Variants in ADK observed in about 807,000 individuals in gnomAD.
ADK encodes the protein N6,N6-dimethyladenosine kinase.
In ADK, 24 loss-of-function variants were observed where a neutral mutation model predicts 44.7. The observed-to-expected ratio is 0.54, with a 90% confidence interval of 0.39 to 0.76. The LOEUF (loss-of-function observed/expected upper bound fraction) is 0.76, where lower values mean the gene tolerates loss of function less well. Among genes scored for constraint, ADK ranks in the 30% least tolerant of loss-of-function variants. ADK has a pLI of 0.00. For synonymous variants in ADK, 128 were observed against 142.6 expected (o/e 0.90, Z 0.73); for missense variants, 321 against 425.1 (o/e 0.76, Z 2.15).
chr10:74,231,782 A>G (rs1263168655), intron 3 of ADK, among the ~76,000 whole-genome samples: 3 of 151,872 alleles, frequency 2.0e-5, no homozygotes, highest in Admixed American at 6.6e-5. Flanking sequence ...AGTTTTTTTT[A>G]AAGTTTATTT....
intron 8 of ADK, among the ~76,000 whole-genome samples, chr10:74,598,794 C>CT (rs1852018901): frequency 6.6e-6 from 1 of 152,030 alleles, no homozygotes; most frequent in African/African-American, 2.4e-5. Flanking sequence ...TGAAGAAAGA[C>CT]TTTCTTTTAA....
At chr10:74,581,537 G>A (rs1348540449) in intron 7 of ADK, among the ~76,000 whole-genome samples, 2 of 151,968 alleles carry the variant, frequency 1.3e-5, no homozygotes, top group Admixed American at 6.6e-5. Context: ...TTCCAAATTT[G>A]ATAATAACTG....
At chr10:74,318,687 T>A (rs1840710621) in intron 4 of ADK, among the ~76,000 whole-genome samples, 1 of 152,214 alleles carries the variant, frequency 6.6e-6, no homozygotes, top group Non-Finnish European at 1.5e-5. Context: ...TCAGAGTGTT[T>A]TAAAGTGATG....
intron 2 of ADK, among the ~76,000 whole-genome samples, chr10:74,211,338 A>G (rs1473883222): frequency 6.6e-6 from 1 of 152,178 alleles, no homozygotes; most frequent in Non-Finnish European, 1.5e-5. Flanking sequence ...GATCTTTACC[A>G]ACAAATTTTC....
intron 1 of ADK, among the ~76,000 whole-genome samples, chr10:74,194,783 A>G (rs1290315925): frequency 6.6e-6 from 1 of 152,204 alleles, no homozygotes; most frequent in Non-Finnish European, 1.5e-5. Context: ...TAGAGAGAAG[A>G]GTCATATAAA....
At chr10:74,534,142 C>T (rs912988943) in intron 7 of ADK, among the ~76,000 whole-genome samples, 4 of 152,086 alleles carry the variant, frequency 2.6e-5, no homozygotes, top group African/African-American at 7.2e-5. Context: ...TGATCACAAA[C>T]GGGCATGAGG....
chr10:74,372,669 C>A (rs1452479014), intron 4 of ADK, among the ~76,000 whole-genome samples: 1 of 151,972 alleles, frequency 6.6e-6, no homozygotes, highest in African/African-American at 2.4e-5. Context: ...GGAACTTATA[C>A]TCTAAAAACT....
rs577294684 is a variant in ADK at position 74,252,903 on chromosome 10, G to C, written c.194+28312G>C. Among the ~76,000 whole-genome samples the C allele has an allele frequency of 7.2e-5, 11 of 152,334 alleles. No homozygotes were observed. In the South Asian group the frequency reaches 2.3e-3, roughly 32 times the overall value. On this transcript the variant is annotated intron_variant, in intron 3 of 10. Coordinates refer to ENST00000539909, the MANE Select transcript of ADK (RefSeq NM_006721.4). ...CATACCCTCATATTGGGTGGCATTA[G>C]AGTGGCCTGAGCTAAGGGAAAATTG...
intron 9 of ADK, among the ~76,000 whole-genome samples, chr10:74,651,355 G>C (rs1194647659): frequency 1.3e-5 from 2 of 152,060 alleles, no homozygotes; most frequent in Non-Finnish European, 2.9e-5. Context: ...ATAGACACTT[G>C]AGTCAAATGA....
intron 6 of ADK, among the ~76,000 whole-genome samples, chr10:74,461,146 ATT>A (rs146591951): frequency 6.7e-5 from 10 of 148,788 alleles, no homozygotes; most frequent in African/African-American, 2.0e-4. Context: ...CGGAAATAGA[ATT>A]TTTTTTTTTT....
Position 74,302,864 on chromosome 10 carries a change from C to A in ADK, c.195-11803C>A, listed in dbSNP as rs967544607. ...GTGTGAGTTTTTGTTTAAAAAAAAA[C>A]AACCCAGGAATAATTTCTTCAAATT... On this transcript the variant is annotated intron_variant, in intron 3 of 10. Transcript: ENST00000539909. Among the ~76,000 whole-genome samples, 11 of 145,272 alleles carry A rather than the reference C, an allele frequency of 7.6e-5. 1 individual carries two copies. The highest frequency in any genetic ancestry group is 1.5e-4 in the African/African-American group (6 of 39,172).
chr10:74,626,164 T>G (rs1219958433), intron 9 of ADK, among the ~76,000 whole-genome samples: 1 of 152,162 alleles, frequency 6.6e-6, no homozygotes, highest in Non-Finnish European at 1.5e-5. Context: ...CCATTTTAAA[T>G]CCACATAGAA....
chr10:74,166,197 C>T lies in ADK; in HGVS notation c.65+14854C>T, dbSNP rs535106476. On this transcript the variant is annotated intron_variant, in intron 1 of 10. Coordinates refer to ENST00000539909, the MANE Select transcript of ADK (RefSeq NM_006721.4). ...TTAGGTGATCTGCCCGCCTCGGCCT[C>T]CCAAATTGCTGGGATTACAGGCGTG... 1.2e-4 allele frequency among the ~76,000 whole-genome samples: 18 copies of T among 152,348 alleles called. No homozygotes were observed. The South Asian group carries it at 3.7e-3, about 32-fold the overall frequency.
chr10:74,618,096 G>T (rs546106591), intron 9 of ADK, among the ~76,000 whole-genome samples: 1 of 138,106 alleles, frequency 7.2e-6, no homozygotes, highest in African/African-American at 3.1e-5. Flanking sequence ...ACCTTTCTGT[G>T]TTCTTATATG....
chr10:74,429,671 A>C (rs1844916581), intron 6 of ADK, among the ~76,000 whole-genome samples: 1 of 152,208 alleles, frequency 6.6e-6, no homozygotes, highest in African/African-American at 2.4e-5. Flanking sequence ...TTTATGGTAT[A>C]CCATAATCAG....
intron 6 of ADK, among the ~76,000 whole-genome samples, chr10:74,486,418 T>C (rs963390790): frequency 6.6e-6 from 1 of 152,190 alleles, no homozygotes; most frequent in Non-Finnish European, 1.5e-5. Context: ...TTGAGTCATC[T>C]TATAAAGTTA....
chr10:74,306,649 T>TA (rs1449583713), intron 3 of ADK, among the ~76,000 whole-genome samples: 2 of 152,214 alleles, frequency 1.3e-5, no homozygotes, highest in Non-Finnish European at 2.9e-5. Flanking sequence ...ATGAGGCTGA[T>TA]ACGGAGTGAG....
intron 7 of ADK, among the ~76,000 whole-genome samples, chr10:74,559,849 T>C (rs1490685586): frequency 6.6e-6 from 1 of 151,298 alleles, no homozygotes; most frequent in East Asian, 1.9e-4. Flanking sequence ...AACTAAGTTT[T>C]TTCATGTTGT....
intron 6 of ADK, among the ~76,000 whole-genome samples, chr10:74,412,391 G>A (rs566085017): frequency 3.2e-4 from 49 of 152,180 alleles, no homozygotes; most frequent in African/African-American, 1.2e-3. Flanking sequence ...TCCTCCCACT[G>A]CGGCCTCCCA....
Sources: gnomAD v4.1 joint callset for allele counts (sites outside exome capture counted in the v4.1 genomes callset) on GRCh38, gnomAD v4.1.1 for gene constraint, MANE v1.5 for transcripts, NCBI Gene and HGNC (gene_info 2026-07-23, HGNC 2026-07-21) for gene names.